Variants in CACNA1D observed in about 807,000 individuals in gnomAD.
CACNA1D encodes the protein calcium voltage-gated channel subunit alpha1 D, also known as voltage-dependent L-type calcium channel subunit alpha-1D.
CACNA1D carries 55 observed loss-of-function variants against 257.1 expected under a neutral mutation model. The observed-to-expected ratio is 0.21, with a 90% CI of 0.17 to 0.27. CACNA1D has a LOEUF of 0.27. CACNA1D is among the 10% of genes least tolerant of loss of function. CACNA1D has a pLI of 1.00. For missense variants in CACNA1D, 1,876 were observed against 2,784.0 expected, an observed-to-expected ratio of 0.67 and a Z score of 7.34; for synonymous variants, 980 against 1,014.9, an observed-to-expected ratio of 0.97 and a Z score of 0.65.
intron 3 of CACNA1D, among the ~76,000 whole-genome samples, chr3:53,520,885 T>TCTTTC: frequency 1.3e-5 from 1 of 74,458 alleles, no homozygotes; most frequent in Non-Finnish European, 2.4e-5. Context: ...TTTCTTTCTT[T>TCTTTC]CTTTCTTTCT....
At position 53,751,823 on chromosome 3, in the gene CACNA1D, G is replaced by A; in HGVS notation, c.3591G>A (p.Lys1197=). 6.2e-7 allele frequency: 1 copy of A among 1,614,076 alleles called. No homozygotes were observed. Among genetic ancestry groups the A allele is most frequent in the Admixed American group, 1.7e-5 (1 of 60,018 alleles). The change falls in exon 28 of 48, where the codon AAG becomes AAA. Residue 1197 remains lysine, a synonymous_variant. Coordinates refer to ENST00000350061, the MANE Select transcript of CACNA1D (RefSeq NM_001128840.3). This position sits in a 1 kb window ranked among gnomAD's most constrained non-coding sequence, Gnocchi z 4.3. ...RYIPKNPYQY[K]FWYVVNSSPF... ...TCCCCAAAAACCCCTACCAGTACAA[G>A]TTCTGGTACGTGGTGAACTCTTCGC...
intron 3 of CACNA1D, among the ~76,000 whole-genome samples, chr3:53,533,982 A>C (rs2092033786): frequency 1.3e-5 from 2 of 152,220 alleles, no homozygotes. Context: ...TATTATTAAA[A>C]AGACTCATAG....
At chr3:53,555,730 G>C (rs1204540381) in intron 3 of CACNA1D, among the ~76,000 whole-genome samples, 1 of 152,082 alleles carries the variant, frequency 6.6e-6, no homozygotes, top group African/African-American at 2.4e-5. Context: ...CATCTCAGCA[G>C]ACGGGAATGC....
intron 30 of CACNA1D, among the ~76,000 whole-genome samples, chr3:53,768,584 A>G (rs569527782): frequency 2.4e-4 from 37 of 152,234 alleles, no homozygotes; most frequent in Non-Finnish European, 4.3e-4. Context: ...AAAAATAGCA[A>G]TCCTGGGTTT....
intron 4 of CACNA1D, 83 bp downstream of exon 4, chr3:53,651,001 T>G (rs886606969): frequency 2.5e-5 from 32 of 1,270,546 alleles, no homozygotes; most frequent in Non-Finnish European, 3.3e-5. Flanking sequence ...CAAAACAGTC[T>G]TTTTAGGGAA....
At chr3:53,786,718 C>T (rs557182598) in intron 39 of CACNA1D, 104 bp from the exon 40 acceptor site, 21 of 496,434 alleles carry the variant, frequency 4.2e-5, no homozygotes, top group South Asian at 2.8e-4. Context: ...GGACCGCCCA[C>T]CCGCCCCACT....
intron 3 of CACNA1D, among the ~76,000 whole-genome samples, chr3:53,613,546 G>T (rs1364958504): frequency 3.2e-5 from 1 of 31,150 alleles, no homozygotes; most frequent in Non-Finnish European, 5.6e-5. Flanking sequence ...ACGGCCATCT[G>T]TGTGTGTGTG....
intron 19 of CACNA1D, 122 bp downstream of exon 19, chr3:53,733,084 C>A: frequency 1.1e-6 from 1 of 913,376 alleles, no homozygotes; most frequent in Non-Finnish European, 1.7e-6. Context: ...ACCTGAGTGT[C>A]CCTGGCGCCC....
At chr3:53,626,905 CCTT>C (rs1468199752) in intron 3 of CACNA1D, among the ~76,000 whole-genome samples, 2 of 152,160 alleles carry the variant, frequency 1.3e-5, no homozygotes, top group Non-Finnish European at 2.9e-5. Flanking sequence ...ATTTAAGACT[CCTT>C]CTTGCTCCTG....
At position 53,794,105 on chromosome 3, in the gene CACNA1D, G is replaced by A. The variant is rs533339503; in HGVS notation, c.4924-6144G>A. Reference sequence around the variant, plus strand: ...ATTCTATACTCTTTCTGAAAGTGGGGAGATCTCATTCCTTTGAGAATAATA... The same window carrying A: ...ATTCTATACTCTTTCTGAAAGTGGGAAGATCTCATTCCTTTGAGAATAATA... On this transcript the variant is annotated intron_variant, in intron 40 of 47. Transcript: ENST00000350061. Among the ~76,000 whole-genome samples the A allele has an allele frequency of 1.0e-3, 159 of 152,304 alleles. 2 individuals are homozygous for A. Among genetic ancestry groups the A allele is most frequent in the African/African-American group, 3.6e-3 (149 of 41,566 alleles).
chr3:53,536,952 T>A (rs1017902966), intron 3 of CACNA1D, among the ~76,000 whole-genome samples: 1 of 152,264 alleles, frequency 6.6e-6, no homozygotes, highest in East Asian at 1.9e-4. Context: ...CTTTTAACTT[T>A]CGGTTATTTT....
chr3:53,520,977 CTT>C (rs2107345318), intron 3 of CACNA1D, among the ~76,000 whole-genome samples: 2 of 147,046 alleles, frequency 1.4e-5, no homozygotes, highest in South Asian at 4.4e-4. Context: ...CTCCCTTTCT[CTT>C]TCTTTTCCTT....
At chr3:53,691,724 T>TATATAATATATATTAC (rs2094522499) in intron 8 of CACNA1D, among the ~76,000 whole-genome samples, 2 of 92,308 alleles carry the variant, frequency 2.2e-5, no homozygotes, top group Admixed American at 1.4e-4. Flanking sequence ...ATATATTACA[T>TATATAATATATATTAC]ATATAATATA....
Position 53,755,735 on chromosome 3 carries a change from C to T in CACNA1D, c.3786+2053C>T, listed in dbSNP as rs184060632. 1.0e-3 allele frequency among the ~76,000 whole-genome samples: 157 copies of T among 152,138 alleles called. 1 individual carries two copies. Among genetic ancestry groups the T allele is most frequent in the African/African-American group, 3.7e-3 (153 of 41,534 alleles). On this transcript the variant is annotated intron_variant, in intron 29 of 47. Transcript: ENST00000350061. ...CGGCCAGGGGAGGTTGAGTTTATATCGTGTGCCGGGATGAGTGGGAGAGTA... is the reference window on the plus strand; with the variant it reads ...CGGCCAGGGGAGGTTGAGTTTATATTGTGTGCCGGGATGAGTGGGAGAGTA...
chr3:53,711,001 C>G (rs1448906500), intron 9 of CACNA1D, among the ~76,000 whole-genome samples: 1 of 152,136 alleles, frequency 6.6e-6, no homozygotes, highest in Non-Finnish European at 1.5e-5. Context: ...GAAGCCGAGG[C>G]AGGAGGATCA....
rs995556573 is a variant in CACNA1D, at chr3:53,793,188, G to T, written c.4923+6236G>T. Among the ~76,000 whole-genome samples the T allele has an allele frequency of 1.6e-4, 25 of 152,188 alleles. No individual in the cohort carries two copies. The highest frequency in any genetic ancestry group is 5.5e-4 in the African/African-American group (23 of 41,450). ...CTGCTCTGTGACCCAGCAGCTACAGGTCTAGTGCCTGGCATTGCAGGGAGC... is the reference window on the plus strand; with the variant it reads ...CTGCTCTGTGACCCAGCAGCTACAGTTCTAGTGCCTGGCATTGCAGGGAGC... On this transcript the variant is annotated intron_variant, in intron 40 of 47. Transcript: ENST00000350061. This position sits in a 1 kb window ranked among gnomAD's most constrained non-coding sequence, Gnocchi z 4.1.
At chr3:53,587,452 G>C (rs1325007586) in intron 3 of CACNA1D, among the ~76,000 whole-genome samples, 1 of 152,142 alleles carries the variant, frequency 6.6e-6, no homozygotes, top group African/African-American at 2.4e-5. Flanking sequence ...GCGGGGGCCT[G>C]TTTTGGGCAG....
intron 40 of CACNA1D, among the ~76,000 whole-genome samples, chr3:53,787,234 T>A (rs2289211): frequency 7.2e-5 from 11 of 151,890 alleles, no homozygotes; most frequent in Non-Finnish European, 1.6e-4. Flanking sequence ...CCCCAGCCCC[T>A]CCAGGCAGCA....
At chr3:53,725,442 G>A (rs1428886068) in intron 14 of CACNA1D, among the ~76,000 whole-genome samples, 1 of 152,188 alleles carries the variant, frequency 6.6e-6, no homozygotes, top group Non-Finnish European at 1.5e-5. Context: ...GGGCACATGT[G>A]TTGGCTGTAG....
Sources: gnomAD v4.1 joint callset for allele counts (sites outside exome capture counted in the v4.1 genomes callset) on GRCh38, gnomAD v4.1.1 for gene constraint, Gnocchi (gnomAD v3.1) non-coding constraint, MANE v1.5 for transcripts, NCBI Gene and HGNC (gene_info 2026-07-23, HGNC 2026-07-21) for gene names.